Variants in ITSN1 observed in about 807,000 individuals in gnomAD.
The protein encoded by ITSN1 is intersectin 1.
Under a neutral mutation model 239.8 loss-of-function variants are expected in ITSN1, and 58 were observed. The ratio of observed to expected loss-of-function variants is 0.24; its 90% confidence interval spans 0.20 to 0.30. The LOEUF (loss-of-function observed/expected upper bound fraction) is 0.30. Among genes scored for constraint, ITSN1 ranks in the 10% least tolerant of loss-of-function variants. The probability of loss-of-function intolerance (pLI) is 1.00; values close to 1 mark genes in which losing one functional copy is unlikely to be tolerated. For missense variants in ITSN1, 1,558 were observed against 2,103.3 expected, an observed-to-expected ratio of 0.74 and a Z score of 5.07; for synonymous variants, 780 against 770.8, an observed-to-expected ratio of 1.01 and a Z score of -0.20.
intron 1 of ITSN1, among the ~76,000 whole-genome samples, chr21:33,703,910 T>C (rs1449452209): frequency 6.6e-6 from 1 of 152,218 alleles, no homozygotes; most frequent in Non-Finnish European, 1.5e-5. Flanking sequence ...CCCTTAGCCC[T>C]GAGGTGCTGC....
chr21:33,664,728 T>A (rs572719136), intron 1 of ITSN1, among the ~76,000 whole-genome samples: 182 of 152,366 alleles, frequency 1.2e-3, no homozygotes, highest in Non-Finnish European at 1.9e-3. Flanking sequence ...TAGTAAACAC[T>A]GTATAAGAAA....
chr21:33,773,773 G>T (rs1199284889), intron 12 of ITSN1, among the ~76,000 whole-genome samples: 1 of 151,794 alleles, frequency 6.6e-6, no homozygotes, highest in South Asian at 2.1e-4. Flanking sequence ...TTCACCTCCT[G>T]GGTTCAAGTG....
rs372877608 is a variant in ITSN1 at position 33,851,545 on chromosome 21, C to A, written c.3662-5191C>A. Among the ~76,000 whole-genome samples, 64 of 146,720 alleles carry A rather than the reference C, an allele frequency of 4.4e-4. No individual in the cohort carries two copies. In the South Asian group the frequency reaches 0.014, roughly 32 times the overall value. Reference sequence around the variant, plus strand: ...TCCCGAGTAGCTGGGATTACAGGTGCCTGTCACCATGCCCAGCTAATTTTT... The same window carrying A: ...TCCCGAGTAGCTGGGATTACAGGTGACTGTCACCATGCCCAGCTAATTTTT... On this transcript the variant is annotated intron_variant, in intron 29 of 39. Transcript: ENST00000381318.
chr21:33,806,528 T>C (rs758899688), intron 20 of ITSN1, among the ~76,000 whole-genome samples: 4 of 152,240 alleles, frequency 2.6e-5, no homozygotes, highest in Non-Finnish European at 4.4e-5. Context: ...TCATCGGCCT[T>C]TGCCAAACGG....
At position 33,811,129 on chromosome 21, in the gene ITSN1, C is replaced by A. The variant is rs772397163; in HGVS notation, c.2474C>A (p.Pro825His). 1.9e-6 allele frequency: 3 copies of A among 1,614,060 alleles called. No individual in the cohort carries two copies. The South Asian group carries it at 3.3e-5, about 18-fold the overall frequency. ...PVTDSTSAPA[P>H]KLALRETPAP... ...ACTGATTCAACATCTGCCCCTGCCC[C>A]CAAACTGGCCTTGCGTGAGACCCCC... The change falls in exon 21 of 40, where the codon CCC becomes CAC. Residue 825 changes from proline to histidine, a missense_variant. Pro to His is a moderately conservative substitution (Grantham distance 77, BLOSUM62 -2). Coordinates refer to ENST00000381318, the MANE Select transcript of ITSN1 (RefSeq NM_003024.3).
intron 31 of ITSN1, among the ~76,000 whole-genome samples, chr21:33,863,030 G>A (rs1472334950): frequency 1.3e-5 from 2 of 152,126 alleles, no homozygotes; most frequent in African/African-American, 4.8e-5. Context: ...GGAGACTGCC[G>A]ATCAGCTCAC....
chr21:33,703,083 CTGTGTGTG>C (rs10529613), intron 1 of ITSN1, among the ~76,000 whole-genome samples: 17 of 145,600 alleles, frequency 1.2e-4, no homozygotes, highest in East Asian at 6.0e-4. Context: ...GAGACTCTGT[CTGTGTGTG>C]TGTGTGTGTG....
chr21:33,656,892 A>T (rs1161566586), intron 1 of ITSN1, among the ~76,000 whole-genome samples: 4 of 151,904 alleles, frequency 2.6e-5, no homozygotes, highest in African/African-American at 9.7e-5. Flanking sequence ...TTGCATTTTT[A>T]GCATTTTTAG....
At chr21:33,734,682 A>G (rs928385995) in intron 4 of ITSN1, among the ~76,000 whole-genome samples, 8 of 152,132 alleles carry the variant, frequency 5.3e-5, no homozygotes, top group Admixed American at 5.2e-4. Flanking sequence ...TACTCGTTTA[A>G]AGTATCTAAT....
intron 1 of ITSN1, among the ~76,000 whole-genome samples, chr21:33,648,158 A>G (rs544868080): frequency 6.6e-6 from 1 of 152,240 alleles, no homozygotes; most frequent in Non-Finnish European, 1.5e-5. Context: ...AGGAAGAAGA[A>G]TGGACTGTTA....
Position 33,838,446 on chromosome 21 carries a change from A to G in ITSN1, c.3661+1814A>G, listed in dbSNP as rs1294071235. On this transcript the variant is annotated intron_variant, in intron 29 of 39. Coordinates refer to ENST00000381318, the MANE Select transcript of ITSN1 (RefSeq NM_003024.3). ...CTGCGGCTTTAACAACTGTAATACAACCTTTTGAATTAGTTCCGTGTATAG... is the reference window on the plus strand; with the variant it reads ...CTGCGGCTTTAACAACTGTAATACAGCCTTTTGAATTAGTTCCGTGTATAG... 9 of 982,870 alleles carry G rather than the reference A, an allele frequency of 9.2e-6. No homozygotes were observed. In the East Asian group the frequency reaches 3.4e-4, roughly 37 times the overall value. The allele number at this position is 982,870 out of a possible 1,614,324, so 60.9% of individuals were successfully genotyped here. A position where few individuals can be genotyped will look rare whatever the true frequency, so the allele number is the denominator to read the frequency against.
intron 11 of ITSN1, among the ~76,000 whole-genome samples, chr21:33,770,099 T>C (rs1266473167): frequency 6.6e-6 from 1 of 151,924 alleles, no homozygotes; most frequent in Non-Finnish European, 1.5e-5. Context: ...GTTTTGCTCT[T>C]GTTGCCCAGG....
intron 5 of ITSN1, among the ~76,000 whole-genome samples, chr21:33,738,053 T>C (rs2066612714): frequency 6.6e-6 from 1 of 151,874 alleles, no homozygotes; most frequent in South Asian, 2.1e-4. Context: ...TATGGTGGTG[T>C]GTGCCTGTAG....
chr21:33,781,892 T>TA, intron 15 of ITSN1, 102 bp from the exon 16 acceptor site: 1 of 1,196,778 alleles, frequency 8.4e-7, no homozygotes, highest in Non-Finnish European at 1.2e-6. Flanking sequence ...TCTTATTTTT[T>TA]AACCAGCAAG....
chr21:33,652,203 C>A (rs144400549), intron 1 of ITSN1, among the ~76,000 whole-genome samples: 1,603 of 152,256 alleles, frequency 0.011, 13 homozygotes, highest in Non-Finnish European at 0.017. Context: ...GGTGGCAGGA[C>A]GGTCCAGGGC....
intron 1 of ITSN1, among the ~76,000 whole-genome samples, chr21:33,665,588 A>G (rs749925013): frequency 5.3e-4 from 81 of 152,282 alleles, no homozygotes; most frequent in Non-Finnish European, 1.0e-3. Flanking sequence ...CAGCTCCTCA[A>G]TTAGATAGAT....
intron 29 of ITSN1, among the ~76,000 whole-genome samples, chr21:33,839,783 T>C (rs918115463): frequency 6.6e-6 from 1 of 152,224 alleles, no homozygotes; most frequent in Non-Finnish European, 1.5e-5. Context: ...CAGGAAGCTG[T>C]GCTTTCCCCT....
intron 1 of ITSN1, among the ~76,000 whole-genome samples, chr21:33,696,591 G>A (rs534093171): frequency 1.4e-4 from 21 of 152,262 alleles, no homozygotes; most frequent in Non-Finnish European, 2.9e-4. Flanking sequence ...TTTTTATACA[G>A]TATGTGCATA....
intron 33 of ITSN1, among the ~76,000 whole-genome samples, chr21:33,872,442 A>G (rs1982910947): frequency 6.6e-6 from 1 of 152,274 alleles, no homozygotes; most frequent in South Asian, 2.1e-4. Flanking sequence ...ATGGACATGG[A>G]ACATTGTACT....
Sources: gnomAD v4.1 joint callset for allele counts (sites outside exome capture counted in the v4.1 genomes callset) on GRCh38, gnomAD v4.1.1 for gene constraint, MANE v1.5 for transcripts, NCBI Gene and HGNC (gene_info 2026-07-23, HGNC 2026-07-21) for gene names.